AGT: variants seen among roughly 807,000 people sequenced by gnomAD.
AGT encodes the protein angiotensinogen, also known as alpha-1 antiproteinase, antitrypsin.
AGT carries 26 observed loss-of-function variants against 28.1 expected under a neutral mutation model. The observed-to-expected ratio is 0.92, with a 90% confidence interval of 0.68 to 1.28. The LOEUF (loss-of-function observed/expected upper bound fraction) is 1.28, where lower values mean the gene tolerates loss of function less well. Among genes scored for constraint, AGT ranks in the 50% most tolerant of loss-of-function variants. The pLI, the probability that AGT is intolerant of heterozygous loss-of-function variation, is 0.00. For synonymous variants in AGT, 259 were observed against 259.6 expected (o/e 1.00, Z 0.02); for missense variants, 596 against 592.3 (o/e 1.01, Z -0.06).
chr1:230,709,924 G>T, intron 2 of AGT, 71 bp downstream of exon 2: 1 of 1,605,686 alleles, frequency 6.2e-7, no homozygotes, highest in South Asian at 1.1e-5. Context: ...TCCAAGGCCT[G>T]ACTGGCTGAT....
intron 1 of AGT, among the ~76,000 whole-genome samples, chr1:230,725,854 A>G (rs1013605929): frequency 1.3e-5 from 2 of 152,190 alleles, no homozygotes; most frequent in African/African-American, 4.8e-5. Context: ...GACAGTAGTC[A>G]CTGGGATTTC....
At chr1:230,706,330 G>A (rs1663388071) in intron 2 of AGT, 130 bp from the exon 3 acceptor site, 5 of 1,024,744 alleles carry the variant, frequency 4.9e-6, no homozygotes, top group Admixed American at 2.5e-5. Context: ...GCCCCCCCCA[G>A]GCCACTCTGC....
upstream of AGT, among the ~76,000 whole-genome samples, chr1:230,714,834 C>T (rs1663697135): frequency 1.3e-5 from 2 of 152,162 alleles, no homozygotes; most frequent in East Asian, 3.8e-4. Context: ...GTAAGTTTCA[C>T]ATGACCAGTA....
At chr1:230,719,404 ATGTTTTT>A (rs1261391351), upstream of AGT, among the ~76,000 whole-genome samples, 444 of 99,566 alleles carry the variant, frequency 4.5e-3, 3 homozygotes, top group African/African-American at 0.019. Context: ...TATTATCATT[ATGTTTTT>A]TTTTTTTTTT....
intron 1 of AGT, among the ~76,000 whole-genome samples, chr1:230,722,963 G>A (rs1372869178): frequency 1.3e-5 from 2 of 152,134 alleles, no homozygotes; most frequent in East Asian, 3.9e-4. Context: ...ATACGGTTTA[G>A]CTCTGTGTCC....
intron 1 of AGT, among the ~76,000 whole-genome samples, chr1:230,721,548 C>G (rs1571982811): frequency 6.6e-6 from 1 of 152,280 alleles, no homozygotes; most frequent in African/African-American, 2.4e-5. Context: ...GAGGTTGGAA[C>G]AGTTTGGAGG....
Position 230,703,065 on chromosome 1 carries a change from G to T in AGT, c.*76C>A, listed in dbSNP as rs1440426621. The T allele has an allele frequency of 1.3e-5, 20 of 1,521,780 alleles. No individual in the cohort carries two copies. Among genetic ancestry groups the T allele is most frequent in the Middle Eastern group, 2.3e-4 (1 of 4,328 alleles). The allele number at this position is 1,521,780 out of a possible 1,614,324, so 94.3% of individuals were successfully genotyped here. Reference sequence around the variant, plus strand: ...ACACATCGCTGATTTGTCCGGGGTTGTTATCTGCTGCTGGCCTTTGCCTCA... The same window carrying T: ...ACACATCGCTGATTTGTCCGGGGTTTTTATCTGCTGCTGGCCTTTGCCTCA... On this transcript the variant is annotated 3_prime_UTR_variant, in exon 5 of 5. Coordinates refer to ENST00000366667, the MANE Select transcript of AGT (RefSeq NM_001384479.1).
Position 230,710,292 on chromosome 1 carries a change from C to T in AGT, c.532G>A (p.Val178Ile). 1 of 1,613,970 alleles carries T rather than the reference C, an allele frequency of 6.2e-7. No individual in the cohort carries two copies. The highest frequency in any genetic ancestry group is 8.5e-7 in the Non-Finnish European group (1 of 1,180,020). Residue 178 changes from valine to isoleucine, a missense_variant, in exon 2 of 5, where the codon GTA becomes ATA. By Grantham distance (29) the Val-to-Ile change is conservative. Coordinates refer to ENST00000366667, the MANE Select transcript of AGT (RefSeq NM_001384479.1). ...AHKVLSALQAVQGLLVAQGRA... is the reference protein window; with the variant it reads ...AHKVLSALQAIQGLLVAQGRA... ...CCCTGGGCCACTAGCAGGCCCTGTA[C>T]AGCCTGCAGGGCAGACAGGACCTTG...
intron 1 of AGT, among the ~76,000 whole-genome samples, chr1:230,722,745 C>T (rs113210977): frequency 0.065 from 9,859 of 152,236 alleles, 563 homozygotes; most frequent in East Asian, 0.14. Context: ...ACTGCCTGTA[C>T]CCCCACTGTA....
chr1:230,735,066 G>A (rs542718886), intron 1 of AGT, among the ~76,000 whole-genome samples: 1 of 152,276 alleles, frequency 6.6e-6, no homozygotes, highest in South Asian at 2.1e-4. Context: ...ATCCCTGGAG[G>A]AGAGGGTCGC....
At chr1:230,708,851 G>A (rs1178674834) in intron 2 of AGT, among the ~76,000 whole-genome samples, 1 of 152,118 alleles carries the variant, frequency 6.6e-6, no homozygotes, top group East Asian at 1.9e-4. Flanking sequence ...AACAGAACGC[G>A]TCCCCATTCC....
At chr1:230,744,478 G>A (rs367685320) in intron 1 of AGT, among the ~76,000 whole-genome samples, 2 of 152,176 alleles carry the variant, frequency 1.3e-5, no homozygotes, top group Admixed American at 6.5e-5. Flanking sequence ...GAAGAATGAT[G>A]AGGCTGTAAA....
At chr1:230,707,624 C>T (rs1196308513) in intron 2 of AGT, among the ~76,000 whole-genome samples, 1 of 152,214 alleles carries the variant, frequency 6.6e-6, no homozygotes, top group Admixed American at 6.5e-5. Context: ...CTGCAGGGTT[C>T]CCCTTGCACG....
intron 3 of AGT, among the ~76,000 whole-genome samples, chr1:230,705,669 G>A (rs575519263): frequency 1.3e-5 from 2 of 152,378 alleles, no homozygotes; most frequent in East Asian, 1.9e-4. Flanking sequence ...TACCAGGCAA[G>A]TGTAAGTGTA....
In AGT at chr1:230,704,327, G is replaced by A. The variant is rs1221456315; in HGVS notation, c.1108C>T (p.Leu370=). Residue 370 remains leucine, a synonymous_variant, in exon 4 of 5, where the codon CTG becomes TTG. Coordinates refer to ENST00000366667, the MANE Select transcript of AGT (RefSeq NM_001384479.1). ...MKKLSPRTIH[L]TMPQLVLQGS... is the part of the protein sequence containing the mutation. ...TGCAGCACCAGTTGGGGCATGGTCAGGTGGATGGTCCTGGGGAGATGATGC... is the reference window on the plus strand; with the variant it reads ...TGCAGCACCAGTTGGGGCATGGTCAAGTGGATGGTCCTGGGGAGATGATGC... 5.0e-6 allele frequency: 8 copies of A among 1,614,078 alleles called. No homozygotes were observed. The highest frequency in any genetic ancestry group is 3.3e-5 in the Admixed American group (2 of 60,002).
At chr1:230,744,927 C>T (rs1033708679) in intron 1 of AGT, among the ~76,000 whole-genome samples, 2 of 152,160 alleles carry the variant, frequency 1.3e-5, no homozygotes, top group Non-Finnish European at 2.9e-5. Context: ...ATTTCCCTGC[C>T]GAGGTGTCAC....
chr1:230,703,394 T>C (rs1663287626), intron 4 of AGT, 65 bp from the exon 5 acceptor site: 1 of 1,580,546 alleles, frequency 6.3e-7, no homozygotes, highest in African/African-American at 1.3e-5. Context: ...TGCTGAGGGC[T>C]AGAGGGCCGG....
intron 3 of AGT, among the ~76,000 whole-genome samples, 177 bp downstream of exon 3, chr1:230,705,756 G>A (rs1011312359): frequency 8.5e-5 from 13 of 152,340 alleles, no homozygotes; most frequent in Admixed American, 8.5e-4. Flanking sequence ...CTGGGTGCTG[G>A]CTGGATAGAG....
intron 1 of AGT, among the ~76,000 whole-genome samples, chr1:230,744,099 A>G (rs1257246995): frequency 2.0e-5 from 3 of 152,182 alleles, no homozygotes; most frequent in Admixed American, 1.3e-4. Flanking sequence ...CTTATTAAAA[A>G]CAGTGCACAT....
Sources: allele counts gnomAD v4.1 joint callset (sites outside exome capture counted in the v4.1 genomes callset), GRCh38; gene constraint gnomAD v4.1.1; transcripts MANE v1.5; gene names NCBI Gene and HGNC (gene_info 2026-07-23, HGNC 2026-07-21).